The following CDH1 variants were observed in gnomAD, a reference collection of about 807,000 sequenced individuals.
The protein encoded by CDH1 is cadherin-1.
Under a neutral mutation model 84.5 loss-of-function variants are expected in CDH1, and 35 were observed. The observed-to-expected ratio is 0.41, with a 90% CI of 0.32 to 0.55. The LOEUF (loss-of-function observed/expected upper bound fraction) is 0.55, where lower values mean the gene tolerates loss of function less well. Among genes scored for constraint, CDH1 ranks in the 20% least tolerant of loss-of-function variants. The probability of loss-of-function intolerance (pLI) is 0.19; values close to 1 mark genes in which losing one functional copy is unlikely to be tolerated. For missense variants in CDH1, 994 were observed against 1,126.6 expected, an observed-to-expected ratio of 0.88 and a Z score of 1.68; for synonymous variants, 417 against 439.0, an observed-to-expected ratio of 0.95 and a Z score of 0.63.
At chr16:68,810,085 A>C in intron 5 of CDH1, 112 bp from the exon 6 acceptor site, 1 of 1,100,762 alleles carries the variant, frequency 9.1e-7, no homozygotes, top group Non-Finnish European at 1.4e-6. Context: ...TGGGGGTCTC[A>C]GAGCCTAGGA....
At chr16:68,752,912 C>T (rs996581374) in intron 2 of CDH1, among the ~76,000 whole-genome samples, 1 of 152,182 alleles carries the variant, frequency 6.6e-6, no homozygotes, top group Admixed American at 6.5e-5. Flanking sequence ...CTCTCAGATA[C>T]ACCCAACACC....
chr16:68,756,239 C>A (rs1963015416), intron 2 of CDH1, among the ~76,000 whole-genome samples: 1 of 151,688 alleles, frequency 6.6e-6, no homozygotes, highest in Admixed American at 6.6e-5. Flanking sequence ...TTCTTCACCA[C>A]AACTATGTGG....
rs1030048962 is a variant in CDH1, at chr16:68,795,033, T to C, written c.164-6637T>C. Among the ~76,000 whole-genome samples the C allele has an allele frequency of 3.3e-5, 5 of 152,228 alleles. 1 individual carries two copies. The highest frequency in any genetic ancestry group is 6.5e-5 in the Admixed American group (1 of 15,278). ...TAGATTTTCTTTTTTTGGTAGAAAATGAGGTTTCACTATGTTGCTCAGGCT... is the reference window on the plus strand; with the variant it reads ...TAGATTTTCTTTTTTTGGTAGAAAACGAGGTTTCACTATGTTGCTCAGGCT... On this transcript the variant is annotated intron_variant, in intron 2 of 15. Coordinates refer to ENST00000261769, the MANE Select transcript of CDH1 (RefSeq NM_004360.5).
Position 68,812,167 on chromosome 16 carries a change from T to A in CDH1, c.1041T>A (p.Ala347=), listed in dbSNP as rs1960855371. Residue 347 remains alanine, a synonymous_variant, in exon 8 of 16, where the codon GCT becomes GCA. Coordinates refer to ENST00000261769, the MANE Select transcript of CDH1 (RefSeq NM_004360.5). ...SFPTYTLVVQ[A]ADLQGEGLST... ...CTACGTATACCCTGGTGGTTCAAGC[T>A]GCTGACCTTCAAGGTGAGGGGTTAA... is the stretch of plus-strand genomic sequence containing the variant. The A allele has an allele frequency of 6.2e-7, 1 of 1,614,224 alleles. No homozygotes were observed. The highest frequency in any genetic ancestry group is 8.5e-7 in the Non-Finnish European group (1 of 1,180,034).
chr16:68,745,843 A>T (rs1336271067), intron 2 of CDH1, among the ~76,000 whole-genome samples: 2 of 151,996 alleles, frequency 1.3e-5, no homozygotes, highest in African/African-American at 4.8e-5. Context: ...TTTGGGATGA[A>T]GTCTTGCTCT....
rs746481984 is a variant in CDH1 at position 68,819,393 on chromosome 16, C to G, written c.1679C>G (p.Thr560Arg). ...GATTTTGAGCACGTGAAGAACAGCA[C>G]GTACACAGCCCTAATCATAGCTACA... ...REDFEHVKNS[T>R]YTALIIATDN... The change falls in exon 11 of 16, where the codon ACG (threonine) becomes AGG (arginine). Residue 560 changes from threonine (T) to arginine (R), a missense_variant. Thr to Arg is a moderately conservative substitution (Grantham distance 71). Around this residue, in one of 3 missense-constraint regions of CDH1, gnomAD observed 769 missense variants for 881.8 expected, o/e 0.87. Transcript: ENST00000261769. The G allele has an allele frequency of 6.2e-7, 1 of 1,613,820 alleles. No individual in the cohort carries two copies. The highest frequency in any genetic ancestry group is 8.5e-7 in the Non-Finnish European group (1 of 1,180,024).
intron 2 of CDH1, among the ~76,000 whole-genome samples, chr16:68,743,004 C>T (rs976299260): frequency 3.9e-5 from 6 of 152,214 alleles, no homozygotes; most frequent in Admixed American, 2.0e-4. Context: ...AAGTCTTGGG[C>T]CCGGCAAGGC....
Position 68,738,342 on chromosome 16 carries a change from T to C in CDH1, c.94T>C (p.Phe32Leu), listed in dbSNP as rs1382043754. The C allele has an allele frequency of 1.3e-6, 2 of 1,525,702 alleles. No homozygotes were observed. The highest frequency in any genetic ancestry group is 1.8e-6 in the Non-Finnish European group (2 of 1,134,824). The allele number at this position is 1,525,702 out of a possible 1,614,324, so 94.5% of individuals were successfully genotyped here. A position where few individuals can be genotyped will look rare whatever the true frequency, so the allele number is the denominator to read the frequency against. The part of the protein sequence containing the change: ...CQEPEPCHPG[F>L]DAESYTFTVP... Reference sequence around the variant, plus strand: ...GGAGCCGGAGCCCTGCCACCCTGGCTTTGACGCCGAGAGCTACACGTTCAC... The same window carrying C: ...GGAGCCGGAGCCCTGCCACCCTGGCCTTGACGCCGAGAGCTACACGTTCAC... Residue 32 changes from phenylalanine to leucine, a missense_variant, in exon 2 of 16, where the codon TTT becomes CTT. Physicochemically the swap from Phe to Leu is conservative, Grantham distance 22. Around this residue, in one of 3 missense-constraint regions of CDH1, gnomAD observed 203 missense variants for 194.0 expected, o/e 1.05. Transcript: ENST00000261769.
At chr16:68,781,797 G>T (rs1249416992) in intron 2 of CDH1, among the ~76,000 whole-genome samples, 3 of 152,062 alleles carry the variant, frequency 2.0e-5, no homozygotes, top group Non-Finnish European at 2.9e-5. Flanking sequence ...ATCCCTTTGG[G>T]ATCTGAGACT....
At chr16:68,812,603 G>A (rs942130337) in intron 8 of CDH1, among the ~76,000 whole-genome samples, 5 of 152,222 alleles carry the variant, frequency 3.3e-5, no homozygotes, top group African/African-American at 9.6e-5. Context: ...GTTAGACACT[G>A]GAGAGACCAT....
intron 9 of CDH1, 139 bp from the exon 10 acceptor site, chr16:68,815,376 T>C: frequency 9.1e-7 from 1 of 1,094,492 alleles, no homozygotes; most frequent in Non-Finnish European, 1.3e-6. Context: ...TTTCTGCCAT[T>C]GAAAGTCATG....
At chr16:68,823,306 C>A in intron 12 of CDH1, 93 bp from the exon 13 acceptor site, 1 of 858,196 alleles carries the variant, frequency 1.2e-6, no homozygotes, top group Non-Finnish European at 2.0e-6. Flanking sequence ...ACTCGGCTTG[C>A]GGGTGTCTTT....
In CDH1 at chr16:68,822,264, C is replaced by T. The variant is rs1375722401; in HGVS notation, c.1936+39C>T. On this transcript the variant is annotated intron_variant, in intron 12 of 15. Transcript: ENST00000261769. ...TTTTATTTTGGCAACTTTGCTCCAACTGCCATGCTTCCCTTCCCCCAGATC... is the reference window on the plus strand; with the variant it reads ...TTTTATTTTGGCAACTTTGCTCCAATTGCCATGCTTCCCTTCCCCCAGATC... The T allele has an allele frequency of 2.9e-6, 4 of 1,378,756 alleles. No homozygotes were observed. The Admixed American group carries it at 5.0e-5, about 17-fold the overall frequency. 85.4% of individuals were successfully genotyped at this position (1,378,756 alleles called of 1,614,324 possible).
At chr16:68,755,701 C>T (rs191549757) in intron 2 of CDH1, among the ~76,000 whole-genome samples, 153 of 152,148 alleles carry the variant, frequency 1.0e-3, no homozygotes, top group Non-Finnish European at 1.8e-3. Context: ...CATTCCAAGC[C>T]ACTCCCCACC....
intron 10 of CDH1, among the ~76,000 whole-genome samples, chr16:68,817,383 A>C (rs148897302): frequency 6.6e-6 from 1 of 152,356 alleles, no homozygotes; most frequent in Non-Finnish European, 1.5e-5. Flanking sequence ...TTTAAAAATA[A>C]ATAAGGATTA....
chr16:68,738,167 C>T, intron 1 of CDH1, 130 bp from the exon 2 acceptor site: 2 of 640,402 alleles, frequency 3.1e-6, no homozygotes, highest in South Asian at 4.2e-5. Context: ...CCGCCCGTCC[C>T]GGGGCTGCGG....
intron 13 of CDH1, among the ~76,000 whole-genome samples, chr16:68,825,748 C>T (rs1472641703): frequency 2.0e-5 from 3 of 151,162 alleles, no homozygotes; most frequent in African/African-American, 7.3e-5. Context: ...TTTCAGTGGC[C>T]TGGTCTGCTT....
chr16:68,834,195 C>T lies in CDH1; in HGVS notation c.*696C>T. 1 of 497,272 alleles carries T rather than the reference C, an allele frequency of 2.0e-6. No homozygotes were observed. The highest frequency in any genetic ancestry group is 4.0e-6 in the Non-Finnish European group (1 of 251,822). The allele number at this position is 497,272 out of a possible 1,614,324, so 30.8% of individuals were successfully genotyped here. A position where few individuals can be genotyped will look rare whatever the true frequency, so the allele number is the denominator to read the frequency against. On this transcript the variant is annotated 3_prime_UTR_variant, in exon 16 of 16. Transcript: ENST00000261769. ...TCTCAAACTCCTGGGCTCAAGTGAT[C>T]CTCCCATCTTGGCCTCCCAGAGTAT...
chr16:68,771,172 T>A (rs1054483275), intron 2 of CDH1: 1 of 152,176 alleles, frequency 6.6e-6, no homozygotes, highest in South Asian at 2.1e-4. Flanking sequence ...TGCCTTGCAG[T>A]CCCAGGCAAC....
Sources: gnomAD v4.1 joint callset for allele counts (sites outside exome capture counted in the v4.1 genomes callset) on GRCh38, gnomAD v4.1.1 for gene constraint, gnomAD v4.1.1 regional missense constraint, MANE v1.5 for transcripts, NCBI Gene and HGNC (gene_info 2026-07-23, HGNC 2026-07-21) for gene names.